Variants in CCDC30 observed in about 807,000 individuals in gnomAD.
CCDC30 encodes the protein coiled-coil domain-containing protein 30.
A neutral mutation model predicts 100.2 loss-of-function variants in CCDC30; 70 were observed. That is an observed-to-expected ratio of 0.70 (90% confidence interval 0.58 to 0.85). The LOEUF (loss-of-function observed/expected upper bound fraction) is 0.85. Ranked by LOEUF, CCDC30 falls within the 40% of genes least tolerant of loss-of-function variation. The pLI, the probability that CCDC30 is intolerant of heterozygous loss-of-function variation, is 0.00. For synonymous variants in CCDC30, 233 were observed against 269.5 expected, an observed-to-expected ratio of 0.86 and a Z score of 1.33; for missense variants, 652 against 771.2, an observed-to-expected ratio of 0.85 and a Z score of 1.83.
At chr1:42,516,524 G>A (rs777389179) in intron 6 of CCDC30, among the ~76,000 whole-genome samples, 17 of 138,736 alleles carry the variant, frequency 1.2e-4, no homozygotes, top group Admixed American at 3.2e-4. Context: ...CTGGGATTGC[G>A]CCACTGCACT....
At chr1:42,535,626 G>A (rs112725557) in intron 6 of CCDC30, among the ~76,000 whole-genome samples, 33,648 of 122,062 alleles carry the variant, frequency 0.28, 4,608 homozygotes, top group South Asian at 0.46. Context: ...TTGGGAGGCC[G>A]AGGTGAGTGG....
intron 11 of CCDC30, among the ~76,000 whole-genome samples, chr1:42,613,632 A>G (rs1646669522): frequency 6.6e-6 from 1 of 152,108 alleles, no homozygotes; most frequent in African/African-American, 2.4e-5. Context: ...TATATAGGGT[A>G]ATTTCCAGAT....
intron 4 of CCDC30, among the ~76,000 whole-genome samples, chr1:42,493,836 T>C (rs1412885391): frequency 5.3e-5 from 8 of 152,190 alleles, no homozygotes; most frequent in Non-Finnish European, 1.2e-4. Flanking sequence ...CGTGGACACA[T>C]TCCTTAAAAG....
intron 7 of CCDC30, among the ~76,000 whole-genome samples, chr1:42,567,453 T>C (rs1645630419): frequency 6.6e-6 from 1 of 152,078 alleles, no homozygotes; most frequent in Non-Finnish European, 1.5e-5. Context: ...ATAAGAAAGG[T>C]CCCTACTTTT....
intron 7 of CCDC30, among the ~76,000 whole-genome samples, chr1:42,574,310 CT>C (rs1256003762): frequency 6.6e-6 from 1 of 151,346 alleles, no homozygotes; most frequent in Non-Finnish European, 1.5e-5. Context: ...TCAAGTTCTT[CT>C]TTTTTTTGCA....
intron 6 of CCDC30, among the ~76,000 whole-genome samples, chr1:42,519,272 G>A (rs1192991209): frequency 2.0e-5 from 3 of 152,134 alleles, no homozygotes; most frequent in Non-Finnish European, 4.4e-5. Flanking sequence ...ATCTGGCTTT[G>A]CTGTTAGAGT....
intron 1 of CCDC30, among the ~76,000 whole-genome samples, chr1:42,474,297 G>A (rs901369081): frequency 1.1e-4 from 17 of 152,094 alleles, no homozygotes; most frequent in African/African-American, 4.1e-4. Flanking sequence ...CAACTGCTTT[G>A]AGCTTGAAAT....
chr1:42,559,324 C>A (rs575151697), intron 6 of CCDC30, among the ~76,000 whole-genome samples: 2 of 152,090 alleles, frequency 1.3e-5, no homozygotes, highest in African/African-American at 4.8e-5. Flanking sequence ...GAGCTAAATG[C>A]CCCAATTAAA....
intron 10 of CCDC30, chr1:42,594,906 T>G (rs1646254747): frequency 6.6e-6 from 1 of 152,166 alleles, no homozygotes; most frequent in Non-Finnish European, 1.5e-5. Context: ...TAATATCATA[T>G]ATCAATCACA....
rs554174841 is a variant in CCDC30 at position 42,641,832 on chromosome 1, G to A, written c.1420-641G>A. Among the ~76,000 whole-genome samples, 5 of 152,054 alleles carry A rather than the reference G, an allele frequency of 3.3e-5. No individual in the cohort carries two copies. In the South Asian group the frequency reaches 1.0e-3, roughly 32 times the overall value. ...ATATTGCCACTGCACTCCAGCCTGG[G>A]CAACAAAGCAAGACTCCATGTCAAA... On this transcript the variant is annotated intron_variant, in intron 12 of 16. Transcript: ENST00000668663.
At chr1:42,459,074 T>G (rs1643325476), upstream of CCDC30, 1 of 152,406 alleles carries the variant, frequency 6.6e-6, no homozygotes. Flanking sequence ...ATGGCAGGGC[T>G]TATTCAGAAG....
chr1:42,618,229 CTTTTTTTTTTTT>C (rs563022326), intron 11 of CCDC30, among the ~76,000 whole-genome samples: 3 of 90,464 alleles, frequency 3.3e-5, no homozygotes, highest in South Asian at 9.4e-4. Flanking sequence ...CCAGTGATAT[CTTTTTTTTTTTT>C]TTTTTTTTTT....
intron 2 of CCDC30, 84 bp from the exon 3 acceptor site, chr1:42,482,579 C>A: frequency 1.2e-6 from 1 of 850,604 alleles, no homozygotes; most frequent in Non-Finnish European, 1.6e-6. Flanking sequence ...AATTTATTGG[C>A]TTTTAAACAT....
At chr1:42,637,321 T>C (rs143792904) in exon 12 of CCDC30, 1 of 1,588,898 alleles carries the variant, frequency 6.3e-7, no homozygotes, top group Non-Finnish European at 8.5e-7. Flanking sequence ...AACTACGAGA[T>C]AAGAGAATTA....
intron 6 of CCDC30, among the ~76,000 whole-genome samples, chr1:42,510,724 T>C (rs943416035): frequency 4.6e-5 from 7 of 151,624 alleles, no homozygotes; most frequent in African/African-American, 1.5e-4. Context: ...GGCCTAAGTC[T>C]CCCTTTATTT....
the CCDC30 span, chr1:42,457,326 C>T: frequency 1.2e-6 from 2 of 1,614,016 alleles, no homozygotes; most frequent in Non-Finnish European, 8.5e-7. Context: ...AACACAAGAT[C>T]CAGTCATCTG....
rs895482595 is a variant in CCDC30, at chr1:42,516,277, G to C, written c.456+17361G>C. On this transcript the variant is annotated intron_variant, in intron 6 of 16. Transcript: ENST00000668663. ...TGGTACTATGGTTTGGATATGGCTTGTCCCTGCCAAAACTCCTTTTCATGT... is the reference window on the plus strand; with the variant it reads ...TGGTACTATGGTTTGGATATGGCTTCTCCCTGCCAAAACTCCTTTTCATGT... Among the ~76,000 whole-genome samples, 6 of 151,350 alleles carry C rather than the reference G, an allele frequency of 4.0e-5. No homozygotes were observed. In the East Asian group the frequency reaches 9.7e-4, roughly 24 times the overall value.
intron 9 of CCDC30, among the ~76,000 whole-genome samples, chr1:42,589,018 G>A (rs1409391645): frequency 6.6e-6 from 1 of 152,100 alleles, no homozygotes; most frequent in Non-Finnish European, 1.5e-5. Context: ...AAGAATATGG[G>A]ATTCAGGATT....
In CCDC30 at chr1:42,496,773, G is replaced by T. The variant is rs189651503; in HGVS notation, c.242-325G>T. On this transcript the variant is annotated intron_variant, in intron 4 of 16. Transcript: ENST00000668663. ...TTTTTGGTCATTTAACTTTTAAAAG[G>T]TAGGCTAGGCTAAATTGTTTTAAAA... Among the ~76,000 whole-genome samples, 246 of 152,248 alleles carry T rather than the reference G, an allele frequency of 1.6e-3. 3 individuals are homozygous for T. The South Asian group carries it at 0.02, about 12-fold the overall frequency.
Sources: allele counts gnomAD v4.1 joint callset (sites outside exome capture counted in the v4.1 genomes callset), GRCh38; gene constraint gnomAD v4.1.1; transcripts MANE v1.5; gene names NCBI Gene and HGNC (gene_info 2026-07-23, HGNC 2026-07-21).